CDH12: variants seen among roughly 807,000 people sequenced by gnomAD.
The protein encoded by CDH12 is cadherin 12.
A neutral mutation model predicts 74.1 loss-of-function variants in CDH12; 41 were observed. The observed-to-expected ratio is 0.55, with a 90% CI of 0.43 to 0.72. The LOEUF (loss-of-function observed/expected upper bound fraction) is 0.72. Ranked by LOEUF, CDH12 falls within the 30% of genes least tolerant of loss-of-function variation. CDH12 has a pLI of 0.00. For missense variants in CDH12, 945 were observed against 977.2 expected (o/e 0.97, Z 0.44); for synonymous variants, 399 against 355.0 (o/e 1.12, Z -1.39).
intron 4 of CDH12, among the ~76,000 whole-genome samples, chr5:22,165,222 C>T (rs759049775): frequency 2.6e-5 from 4 of 152,142 alleles, no homozygotes; most frequent in African/African-American, 4.8e-5. Flanking sequence ...ACAATGGCCC[C>T]GAAAGCCCCA....
intron 1 of CDH12, among the ~76,000 whole-genome samples, chr5:22,584,102 A>T (rs1470898415): frequency 6.6e-6 from 1 of 150,824 alleles, no homozygotes; most frequent in African/African-American, 2.4e-5. Flanking sequence ...TTATTTATTT[A>T]TTTATTTATT....
intron 1 of CDH12, among the ~76,000 whole-genome samples, chr5:22,643,563 T>TCAG (rs948180440): frequency 6.6e-6 from 1 of 152,070 alleles, no homozygotes; most frequent in African/African-American, 2.4e-5. Flanking sequence ...TACAACTTAC[T>TCAG]CAGCATATTC....
chr5:21,964,628 T>C (rs1413180467), intron 6 of CDH12, among the ~76,000 whole-genome samples: 1 of 152,010 alleles, frequency 6.6e-6, no homozygotes, highest in African/African-American at 2.4e-5. Flanking sequence ...CCCATTAAGC[T>C]AAGCCTGCTT....
chr5:21,899,346 C>T (rs1246285979), intron 6 of CDH12, among the ~76,000 whole-genome samples: 3 of 152,272 alleles, frequency 2.0e-5, no homozygotes, highest in East Asian at 1.9e-4. Context: ...TCATAATACT[C>T]AGAGAACCTA....
intron 4 of CDH12, among the ~76,000 whole-genome samples, chr5:22,199,118 A>C (rs1750781856): frequency 6.6e-6 from 1 of 152,154 alleles, no homozygotes; most frequent in Non-Finnish European, 1.5e-5. Flanking sequence ...AAAACAAGGA[A>C]ATGCTTACTC....
intron 6 of CDH12, among the ~76,000 whole-genome samples, chr5:21,874,229 A>C (rs181459661): frequency 6.6e-6 from 1 of 152,344 alleles, no homozygotes; most frequent in African/African-American, 2.4e-5. Flanking sequence ...GACACTTCTC[A>C]AAAGAAAACA....
intron 3 of CDH12, among the ~76,000 whole-genome samples, chr5:22,366,166 C>G (rs543187354): frequency 1.1e-4 from 16 of 152,150 alleles, no homozygotes; most frequent in African/African-American, 3.6e-4. Context: ...ACTGTGTTGA[C>G]CAGGCTGGTG....
rs537773423 is a variant in CDH12, at chr5:21,978,735, G to A, written c.232-3350C>T. On this transcript the variant is annotated intron_variant, in intron 5 of 14. Coordinates refer to ENST00000382254, the MANE Select transcript of CDH12 (RefSeq NM_004061.5). ...CTCTGTATTCCTTCATAAACTGTGT[G>A]GTGAATGTGCGTGTGTGTATGTATG... Among the ~76,000 whole-genome samples the A allele has an allele frequency of 1.2e-3, 181 of 152,220 alleles. 1 individual carries two copies. The highest frequency in any genetic ancestry group is 4.1e-3 in the African/African-American group (169 of 41,544).
At chr5:22,852,644 G>C (rs919215310) in intron 1 of CDH12, among the ~76,000 whole-genome samples, 4 of 152,132 alleles carry the variant, frequency 2.6e-5, no homozygotes, top group African/African-American at 7.2e-5. Context: ...AGTGAGGGGG[G>C]TCGGCATCTC....
chr5:21,856,918 G>C (rs1323495869), intron 6 of CDH12, among the ~76,000 whole-genome samples: 1 of 151,820 alleles, frequency 6.6e-6, no homozygotes, highest in Non-Finnish European at 1.5e-5. Context: ...TTTAGTGAAA[G>C]AGCAGATTCC....
chr5:22,268,356 G>A (rs1292390728), intron 3 of CDH12, among the ~76,000 whole-genome samples: 1 of 151,972 alleles, frequency 6.6e-6, no homozygotes, highest in African/African-American at 2.4e-5. Context: ...TATGCCTGGG[G>A]AATAGTGTAA....
intron 6 of CDH12, among the ~76,000 whole-genome samples, chr5:21,937,118 T>C (rs1464271137): frequency 6.6e-6 from 1 of 152,200 alleles, no homozygotes; most frequent in Non-Finnish European, 1.5e-5. Flanking sequence ...ATTAAAAGCA[T>C]AACAATGTGG....
In CDH12 at chr5:22,008,408, C is replaced by T. The variant is rs547665722; in HGVS notation, c.232-33023G>A. Among the ~76,000 whole-genome samples, 921 of 151,940 alleles carry T rather than the reference C, an allele frequency of 6.1e-3. 2 individuals are homozygous for T. The highest frequency in any genetic ancestry group is 0.021 in the African/African-American group (885 of 41,462). On this transcript the variant is annotated intron_variant, in intron 5 of 14. Coordinates refer to ENST00000382254, the MANE Select transcript of CDH12 (RefSeq NM_004061.5). ...CCACGCCTGGCTAATTTTTGTATTT[C>T]AGTAGAGATGGAGTTTCACCTTGTT...
chr5:22,031,238 G>A (rs1220371991), intron 5 of CDH12, among the ~76,000 whole-genome samples: 1 of 152,086 alleles, frequency 6.6e-6, no homozygotes, highest in Non-Finnish European at 1.5e-5. Context: ...GGAGTCTGAG[G>A]CAGGAGAATC....
chr5:22,321,235 G>T (rs1307633545), intron 3 of CDH12, among the ~76,000 whole-genome samples: 1 of 150,946 alleles, frequency 6.6e-6, no homozygotes, highest in Admixed American at 6.6e-5. Context: ...CAAAGACTTG[G>T]AACCAACCCA....
intron 6 of CDH12, among the ~76,000 whole-genome samples, chr5:21,895,256 T>C (rs543488965): frequency 7.9e-5 from 12 of 152,314 alleles, no homozygotes; most frequent in African/African-American, 2.9e-4. Context: ...TTACCTCACA[T>C]ACCCCATGTT....
intron 1 of CDH12, among the ~76,000 whole-genome samples, chr5:22,719,031 G>T (rs1002942421): frequency 6.6e-6 from 1 of 151,996 alleles, no homozygotes; most frequent in East Asian, 1.9e-4. Flanking sequence ...TATCCCACCC[G>T]ATGGTGGTTG....
intron 3 of CDH12, among the ~76,000 whole-genome samples, chr5:22,316,752 C>T (rs1052028488): frequency 6.6e-6 from 1 of 151,678 alleles, no homozygotes; most frequent in South Asian, 2.1e-4. Context: ...TTCATCATCT[C>T]GATATGTAAA....
intron 11 of CDH12, among the ~76,000 whole-genome samples, chr5:21,782,443 C>T (rs963154258): frequency 6.6e-6 from 1 of 152,070 alleles, no homozygotes; most frequent in Non-Finnish European, 1.5e-5. Context: ...GTTTACATTC[C>T]CACTGAGTTG....
Sources: gnomAD v4.1 joint callset for allele counts (sites outside exome capture counted in the v4.1 genomes callset) on GRCh38, gnomAD v4.1.1 for gene constraint, MANE v1.5 for transcripts, NCBI Gene and HGNC (gene_info 2026-07-23, HGNC 2026-07-21) for gene names.